VTI1A: variants seen among roughly 807,000 people sequenced by gnomAD.
VTI1A encodes the protein vesicle transport through interaction with t-SNAREs 1A.
Under a neutral mutation model 34.9 loss-of-function variants are expected in VTI1A, and 22 were observed. The ratio of observed to expected loss-of-function variants is 0.63; its 90% confidence interval spans 0.45 to 0.90. The LOEUF (loss-of-function observed/expected upper bound fraction) is 0.90, where lower values mean the gene tolerates loss of function less well. VTI1A is among the 40% of genes least tolerant of loss of function. The pLI, the probability that VTI1A is intolerant of heterozygous loss-of-function variation, is 0.00. For missense variants in VTI1A, 268 were observed against 275.6 expected (o/e 0.97, Z 0.20); for synonymous variants, 87 against 97.3 (o/e 0.89, Z 0.62).
chr10:112,608,990 T>C (rs1165494498), intron 5 of VTI1A, among the ~76,000 whole-genome samples: 1 of 152,200 alleles, frequency 6.6e-6, no homozygotes, highest in Admixed American at 6.5e-5. Flanking sequence ...ACTTTAAAAA[T>C]ATTTTAACAA....
At chr10:112,845,210 CT>C in the VTI1A span, among the ~76,000 whole-genome samples, 30,295 of 152,200 alleles carry the variant, frequency 0.2, 3,514 homozygotes, top group Middle Eastern at 0.28. Context: ...TGGCTGGGGT[CT>C]TGCCTGGACG....
At chr10:112,504,258 A>G (rs1229240603) in intron 3 of VTI1A, among the ~76,000 whole-genome samples, 1 of 151,900 alleles carries the variant, frequency 6.6e-6, no homozygotes, top group Non-Finnish European at 1.5e-5. Flanking sequence ...TGCCATTCCA[A>G]CCTCCTCCCA....
chr10:112,511,140 AAAG>A (rs1230504953), intron 3 of VTI1A, among the ~76,000 whole-genome samples: 2 of 152,204 alleles, frequency 1.3e-5, no homozygotes, highest in Non-Finnish European at 1.5e-5. Flanking sequence ...AAAGTAGTAC[AAAG>A]AAGAACATAC....
chr10:112,736,419 C>T (rs559291938), intron 7 of VTI1A, among the ~76,000 whole-genome samples: 23 of 152,080 alleles, frequency 1.5e-4, no homozygotes, highest in Non-Finnish European at 2.2e-4. Flanking sequence ...GAATGGTGCC[C>T]GGCACGTAGT....
intron 5 of VTI1A, chr10:112,538,609 G>A (rs1850743114): frequency 3.3e-6 from 1 of 306,586 alleles, no homozygotes; most frequent in East Asian, 6.0e-5. Context: ...GCAGTTACAT[G>A]TTGTCAGTTT....
At chr10:112,711,057 C>T (rs2133920751) in intron 7 of VTI1A, among the ~76,000 whole-genome samples, 1 of 152,336 alleles carries the variant, frequency 6.6e-6, no homozygotes, top group South Asian at 2.1e-4. Flanking sequence ...AGACTCACAA[C>T]CAGTTCTTCT....
intron 7 of VTI1A, among the ~76,000 whole-genome samples, chr10:112,731,818 T>C (rs1432976034): frequency 6.6e-6 from 1 of 152,248 alleles, no homozygotes; most frequent in Non-Finnish European, 1.5e-5. Flanking sequence ...TCATCCTTTA[T>C]CTTTGCAGGT....
chr10:112,622,019 G>T (rs1420321061), intron 5 of VTI1A, among the ~76,000 whole-genome samples: 1 of 152,160 alleles, frequency 6.6e-6, no homozygotes, highest in Non-Finnish European at 1.5e-5. Context: ...CAGAGAGAGA[G>T]AGAGAGTTGG....
At chr10:112,645,843 A>C (rs1301361810) in intron 5 of VTI1A, among the ~76,000 whole-genome samples, 1 of 150,706 alleles carries the variant, frequency 6.6e-6, no homozygotes, top group Non-Finnish European at 1.5e-5. Context: ...TACTTATTTC[A>C]CTTGATCATT....
intron 3 of VTI1A, among the ~76,000 whole-genome samples, chr10:112,512,131 A>T (rs558691670): frequency 6.6e-6 from 1 of 152,182 alleles, no homozygotes; most frequent in Non-Finnish European, 1.5e-5. Context: ...TTTGTTGAGA[A>T]ATCTCCATAC....
intron 7 of VTI1A, among the ~76,000 whole-genome samples, chr10:112,780,647 A>G (rs1458019419): frequency 6.6e-6 from 1 of 152,182 alleles, no homozygotes; most frequent in African/African-American, 2.4e-5. Context: ...CTTATCGAGT[A>G]TGCATTGTTG....
chr10:112,842,849 G>C, the VTI1A span, among the ~76,000 whole-genome samples: 1 of 152,154 alleles, frequency 6.6e-6, no homozygotes, highest in Non-Finnish European at 1.5e-5. Context: ...AGGGGGGTTG[G>C]TCATGAAAAC....
intron 7 of VTI1A, among the ~76,000 whole-genome samples, chr10:112,720,851 A>G (rs1404966376): frequency 6.6e-6 from 1 of 152,194 alleles, no homozygotes; most frequent in African/African-American, 2.4e-5. Flanking sequence ...TGTGGGTCAC[A>G]TGGAGAATTA....
chr10:112,487,282 C>T (rs1848672806), intron 3 of VTI1A, among the ~76,000 whole-genome samples: 1 of 152,140 alleles, frequency 6.6e-6, no homozygotes, highest in African/African-American at 2.4e-5. Context: ...TGCCAGCACA[C>T]CTGGCTCATT....
the VTI1A span, among the ~76,000 whole-genome samples, chr10:112,842,050 C>CT: frequency 9.6e-4 from 89 of 93,122 alleles, no homozygotes; most frequent in Non-Finnish European, 1.4e-3. Flanking sequence ...TTTTTTTTTT[C>CT]CTTTTTTTTT....
At position 112,721,435 on chromosome 10, in the gene VTI1A, C is replaced by T. The variant is rs1385882947; in HGVS notation, c.560+52437C>T. On this transcript the variant is annotated intron_variant, in intron 7 of 7. Transcript: ENST00000393077. ...AAGGCACCAATAACAGAACAACTTA[C>T]ATTCATAGGGTACTTTTCAGTTACA... Among the ~76,000 whole-genome samples, 5 of 152,224 alleles carry T rather than the reference C, an allele frequency of 3.3e-5. No homozygotes were observed. In the South Asian group the frequency reaches 6.2e-4, roughly 19 times the overall value.
At chr10:112,526,969 A>G (rs777471200) in intron 3 of VTI1A, 118 bp from the exon 4 acceptor site, 4 of 841,006 alleles carry the variant, frequency 4.8e-6, no homozygotes, top group Non-Finnish European at 7.4e-6. Flanking sequence ...GATTGTAGCC[A>G]ATAGGTTTCC....
intron 5 of VTI1A, among the ~76,000 whole-genome samples, chr10:112,555,825 G>A (rs1404399672): frequency 6.6e-6 from 1 of 151,882 alleles, no homozygotes; most frequent in African/African-American, 2.4e-5. Flanking sequence ...TTTTAGTTTT[G>A]GTGTTTAAGG....
At chr10:112,504,204 T>C (rs1454138954) in intron 3 of VTI1A, among the ~76,000 whole-genome samples, 1 of 152,196 alleles carries the variant, frequency 6.6e-6, no homozygotes, top group African/African-American at 2.4e-5. Context: ...TATAAAGATG[T>C]ATAAGGAAAA....
Sources: allele counts gnomAD v4.1 joint callset (sites outside exome capture counted in the v4.1 genomes callset), GRCh38; gene constraint gnomAD v4.1.1; transcripts MANE v1.5; gene names NCBI Gene and HGNC (gene_info 2026-07-23, HGNC 2026-07-21).